COQ10B: variants seen among roughly 807,000 people sequenced by gnomAD.
The protein encoded by COQ10B is coenzyme Q-binding protein COQ10 homolog B, mitochondrial.
In COQ10B, 12 loss-of-function variants were observed where a neutral mutation model predicts 27.6. The ratio of observed to expected loss-of-function variants is 0.43; its 90% confidence interval spans 0.28 to 0.70. The LOEUF (loss-of-function observed/expected upper bound fraction) is 0.70. Ranked by LOEUF, COQ10B falls within the 30% of genes least tolerant of loss-of-function variation. The probability of loss-of-function intolerance (pLI) is 0.17; values close to 1 mark genes in which losing one functional copy is unlikely to be tolerated. For synonymous variants in COQ10B, 115 were observed against 103.0 expected (o/e 1.12, Z -0.71); for missense variants, 278 against 288.7 (o/e 0.96, Z 0.27).
rs925756217 is a variant in COQ10B, at chr2:197,475,058, T to TA, written c.*1140dup. On this transcript the variant is annotated 3_prime_UTR_variant, in exon 5 of 5. Coordinates refer to ENST00000263960, the MANE Select transcript of COQ10B (RefSeq NM_025147.5). ...TAATGTGTTTCAAACTGGTATTTTT[T>TA]AAAAAACAAATCAATGTAAGGACTG... 3.3e-5 allele frequency: 5 copies of TA among 152,324 alleles called. No homozygotes were observed. Among genetic ancestry groups the TA allele is most frequent in the African/African-American group, 1.2e-4 (5 of 41,446 alleles). The allele number at this position is 152,324 out of a possible 1,614,324, so 9.4% of individuals were successfully genotyped here. A position where few individuals can be genotyped will look rare whatever the true frequency, so the allele number is the denominator to read the frequency against.
intron 4 of COQ10B, among the ~76,000 whole-genome samples, chr2:197,472,120 TTG>T (rs1387256067): frequency 6.6e-6 from 1 of 151,950 alleles, no homozygotes; most frequent in Non-Finnish European, 1.5e-5. Context: ...TGGGAATTCT[TTG>T]TATTATTTTG....
intron 2 of COQ10B, among the ~76,000 whole-genome samples, chr2:197,460,608 C>T (rs1185036745): frequency 6.6e-6 from 1 of 152,098 alleles, no homozygotes; most frequent in Non-Finnish European, 1.5e-5. Flanking sequence ...ATTTTTTGTA[C>T]ATTGTTCTTT....
chr2:197,471,051 G>T (rs889091292), intron 4 of COQ10B, among the ~76,000 whole-genome samples: 1 of 152,188 alleles, frequency 6.6e-6, no homozygotes, highest in African/African-American at 2.4e-5. Flanking sequence ...GGGCAACAGA[G>T]TGAGACCCTG....
At chr2:197,453,809 G>A (rs1478167126) in intron 1 of COQ10B, 145 bp downstream of exon 1, 1 of 1,006,992 alleles carries the variant, frequency 9.9e-7, no homozygotes, top group Non-Finnish European at 1.5e-6. Context: ...TTTGCGTTTG[G>A]CATCTGAGGG....
At chr2:197,463,951 AAAAAAAAAAAAAAATAT>A (rs1204760739) in intron 3 of COQ10B, among the ~76,000 whole-genome samples, 4 of 79,754 alleles carry the variant, frequency 5.0e-5, no homozygotes, top group African/African-American at 1.6e-4. Flanking sequence ...AAAAAAAAAA[AAAAAAAAAAAAAAATAT>A]ATATATATAT....
At chr2:197,458,333 CT>C (rs1227458315) in intron 1 of COQ10B, among the ~76,000 whole-genome samples, 2 of 152,116 alleles carry the variant, frequency 1.3e-5, no homozygotes, top group Non-Finnish European at 2.9e-5. Flanking sequence ...GTACACACTT[CT>C]TTTCTCTCTT....
At chr2:197,467,493 T>G (rs1434444025) in intron 3 of COQ10B, among the ~76,000 whole-genome samples, 1 of 152,174 alleles carries the variant, frequency 6.6e-6, no homozygotes, top group African/African-American at 2.4e-5. Context: ...TTCTCCTGCC[T>G]CAGCCTCCTG....
intron 3 of COQ10B, among the ~76,000 whole-genome samples, chr2:197,468,374 C>T (rs905364838): frequency 1.8e-4 from 25 of 140,786 alleles, no homozygotes; most frequent in African/African-American, 6.6e-4. Context: ...ATCCAGGAGG[C>T]GGAGCTTGCA....
At chr2:197,460,197 G>T in intron 2 of COQ10B, 116 bp downstream of exon 2, 1 of 672,084 alleles carries the variant, frequency 1.5e-6, no homozygotes, top group Non-Finnish European at 2.3e-6. Flanking sequence ...CTCTTTTCTA[G>T]GTTGGCCTTT....
chr2:197,459,760 T>A lies in COQ10B; in HGVS notation c.105-172T>A, dbSNP rs897379328. Reference sequence around the variant, plus strand: ...AGCTGTTATTTTTGTTTTTTTTTTTTACAGTGTTTAAGAAGCTGTGCTTTT... The same window carrying A: ...AGCTGTTATTTTTGTTTTTTTTTTTAACAGTGTTTAAGAAGCTGTGCTTTT... On this transcript the variant is annotated intron_variant, in intron 1 of 4. Coordinates refer to ENST00000263960, the MANE Select transcript of COQ10B (RefSeq NM_025147.5). 1.3e-5 allele frequency among the ~76,000 whole-genome samples: 2 copies of A among 152,106 alleles called. No individual in the cohort carries two copies. Among genetic ancestry groups the A allele is most frequent in the Admixed American group, 1.3e-4 (2 of 15,258 alleles).
In COQ10B at chr2:197,474,710, G is replaced by A. The variant is rs1463705597; in HGVS notation, c.*786G>A. On this transcript the variant is annotated 3_prime_UTR_variant, in exon 5 of 5. Transcript: ENST00000263960. ...CCAAAAACAAAAACAAAAACTGTTA[G>A]TGAAGGTTCCCTGGGACTTTTGATA... 3 of 152,146 alleles carry A rather than the reference G, an allele frequency of 2.0e-5. No homozygotes were observed. The highest frequency in any genetic ancestry group is 4.8e-5 in the African/African-American group (2 of 41,412). The allele number at this position is 152,146 out of a possible 1,614,324, so 9.4% of individuals were successfully genotyped here.
chr2:197,462,640 G>T lies in COQ10B; in HGVS notation c.356G>T (p.Gly119Val), dbSNP rs2085774449. 6.2e-7 allele frequency: 1 copy of T among 1,600,734 alleles called. No individual in the cohort carries two copies. Among genetic ancestry groups the T allele is most frequent in the Admixed American group, 1.7e-5 (1 of 58,522 alleles). ...KKSDVISKRS[G>V]YCKTRLEIGF... The stretch of plus-strand genomic sequence containing the variant: ...TCAGATGTTATATCAAAGAGATCTG[G>T]ATATTGTAAAACAAGATTAGAAATT... The change falls in exon 3 of 5, where the codon GGA becomes GTA. Residue 119 changes from glycine to valine, a missense_variant. Physicochemically the swap from Gly to Val is moderately radical, Grantham distance 109. This residue lies in a region of COQ10B where 183 missense variants were observed against 158.2 expected (regional missense o/e 1.16). Transcript: ENST00000263960.
intron 3 of COQ10B, among the ~76,000 whole-genome samples, chr2:197,469,208 A>C (rs567626040): frequency 6.6e-6 from 1 of 151,084 alleles, no homozygotes; most frequent in South Asian, 2.1e-4. Context: ...CTAATTTTTA[A>C]ATTTTTTTCG....
chr2:197,458,887 A>C (rs558160040), intron 1 of COQ10B, among the ~76,000 whole-genome samples: 86 of 152,150 alleles, frequency 5.7e-4, no homozygotes, highest in Non-Finnish European at 8.5e-4. Context: ...TCACCATGTT[A>C]GTCAGGCTGG....
intron 3 of COQ10B, among the ~76,000 whole-genome samples, chr2:197,468,763 G>T (rs1465978701): frequency 6.6e-6 from 1 of 152,072 alleles, no homozygotes; most frequent in Non-Finnish European, 1.5e-5. Context: ...TTCATTACCA[G>T]CCTGGGCAAC....
intron 1 of COQ10B, among the ~76,000 whole-genome samples, chr2:197,456,981 C>T (rs755091401): frequency 6.6e-6 from 1 of 150,780 alleles, no homozygotes; most frequent in Non-Finnish European, 1.5e-5. Flanking sequence ...AAGACAGTTT[C>T]TCTACAAATG....
chr2:197,473,413 AAAATATATATATATATAT>A (rs1482219871), intron 4 of COQ10B, among the ~76,000 whole-genome samples: 1 of 58,640 alleles, frequency 1.7e-5, no homozygotes, highest in Non-Finnish European at 3.4e-5. Context: ...AAAAAAAAAA[AAAATATATATATATATAT>A]ATATATATAT....
At chr2:197,462,217 C>T (rs926347060) in intron 2 of COQ10B, among the ~76,000 whole-genome samples, 17 of 149,208 alleles carry the variant, frequency 1.1e-4, no homozygotes, top group Middle Eastern at 3.5e-3. Flanking sequence ...TGCAGTGAGC[C>T]GAGATCGTAC....
intron 1 of COQ10B, chr2:197,454,134 AT>A: frequency 6.5e-7 from 1 of 1,550,380 alleles, no homozygotes; most frequent in East Asian, 2.4e-5. Context: ...TGCCCTCGCC[AT>A]TTAGTGTTTA....
Sources: gnomAD v4.1 joint callset for allele counts (sites outside exome capture counted in the v4.1 genomes callset) on GRCh38, gnomAD v4.1.1 for gene constraint, gnomAD v4.1.1 regional missense constraint, MANE v1.5 for transcripts, NCBI Gene and HGNC (gene_info 2026-07-23, HGNC 2026-07-21) for gene names.